Variants in MGRN1 observed in about 807,000 individuals in gnomAD.
The protein encoded by MGRN1 is E3 ubiquitin-protein ligase MGRN1.
MGRN1 carries 29 observed loss-of-function variants against 69.2 expected under a neutral mutation model. That is an observed-to-expected ratio of 0.42 (90% CI 0.31 to 0.57). MGRN1 has a LOEUF of 0.57. Among genes scored for constraint, MGRN1 ranks in the 20% least tolerant of loss-of-function variants. The probability of loss-of-function intolerance (pLI) is 0.15; values close to 1 mark genes in which losing one functional copy is unlikely to be tolerated. For missense variants in MGRN1, 998 were observed against 796.2 expected (o/e 1.25, Z -3.05); for synonymous variants, 470 against 344.2 (o/e 1.37, Z -4.04).
At chr16:4,680,168 A>C in intron 12 of MGRN1, 71 bp downstream of exon 12, 5 of 1,467,970 alleles carry the variant, frequency 3.4e-6, no homozygotes, top group Non-Finnish European at 4.7e-6. Context: ...CAAGTAGGGG[A>C]GATCGTTTCC....
At position 4,677,564 on chromosome 16, in the gene MGRN1, G is replaced by A. The variant is rs1326079214; in HGVS notation, c.1057G>A (p.Glu353Lys). The change falls in exon 11 of 17, where the codon GAG (glutamate) becomes AAG (lysine). Residue 353 changes from glutamate to lysine, a missense_variant. By Grantham distance (56) the Glu-to-Lys change is moderately conservative. Coordinates refer to ENST00000262370, the MANE Select transcript of MGRN1 (RefSeq NM_015246.4). Reference sequence around the variant, plus strand: ...CCTGGCCCAGAGCCTGGAGCATGATGAGCACTCTGTAAGTGCCGCCTCCTG... The same window carrying A: ...CCTGGCCCAGAGCCTGGAGCATGATAAGCACTCTGTAAGTGCCGCCTCCTG... ...PVLAQSLEHD[E>K]HSCPFKKSKP... The A allele has an allele frequency of 6.3e-7, 1 of 1,599,712 alleles. No individual in the cohort carries two copies. The highest frequency in any genetic ancestry group is 8.5e-7 in the Non-Finnish European group (1 of 1,179,676).
At chr16:4,669,531 T>A (rs554661459) in intron 8 of MGRN1, among the ~76,000 whole-genome samples, 1 of 152,048 alleles carries the variant, frequency 6.6e-6, no homozygotes, top group Non-Finnish European at 1.5e-5. Context: ...CATATATGTT[T>A]TGCGTGCCCG....
At chr16:4,645,079 A>G (rs1327902326) in intron 1 of MGRN1, among the ~76,000 whole-genome samples, 3 of 137,958 alleles carry the variant, frequency 2.2e-5, no homozygotes, top group Non-Finnish European at 4.5e-5. Context: ...AGTTTGTAGC[A>G]TTTGTTTCTC....
chr16:4,677,429 C>A (rs748762325), intron 10 of MGRN1, 34 bp from the exon 11 acceptor site: 1 of 1,500,028 alleles, frequency 6.7e-7, no homozygotes, highest in South Asian at 1.3e-5. Context: ...GGGTGTGTCG[C>A]CTGGGCCTGA....
chr16:4,657,737 C>CCTT (rs1567201493), intron 5 of MGRN1, among the ~76,000 whole-genome samples: 2 of 128,166 alleles, frequency 1.6e-5, no homozygotes, highest in African/African-American at 3.0e-5. Context: ...GTGCAGACAT[C>CCTT]CTTTTTTTTT....
intron 7 of MGRN1, among the ~76,000 whole-genome samples, chr16:4,667,223 G>A (rs906443857): frequency 1.2e-4 from 18 of 152,238 alleles, no homozygotes; most frequent in African/African-American, 1.9e-4. Flanking sequence ...AGCTCTAAGT[G>A]CAGAGTCCAG....
At chr16:4,665,202 G>T (rs772557338) in intron 7 of MGRN1, 51 bp downstream of exon 7, 47 of 1,605,820 alleles carry the variant, frequency 2.9e-5, no homozygotes, top group Non-Finnish European at 3.7e-5. Flanking sequence ...GCTGGGCAGG[G>T]GGTGGCCTTT....
intron 4 of MGRN1, 78 bp downstream of exon 4, chr16:4,652,902 AC>A: frequency 6.9e-7 from 1 of 1,449,050 alleles, no homozygotes; most frequent in South Asian, 1.4e-5. Flanking sequence ...CACCTTACTA[AC>A]CAGAGGGAGA....
chr16:4,686,173 C>T, intron 16 of MGRN1: 1 of 1,487,736 alleles, frequency 6.7e-7, no homozygotes. Flanking sequence ...GACCGTGTCC[C>T]CAAGCTGGTG....
At chr16:4,664,675 G>A (rs769752328) in intron 5 of MGRN1, 34 bp from the exon 6 acceptor site, 1 of 1,612,332 alleles carries the variant, frequency 6.2e-7, no homozygotes, top group East Asian at 2.2e-5. Flanking sequence ...TTGGCTGTGT[G>A]GGTCCTGACC....
At chr16:4,637,118 CAAAAAAA>C (rs36033548) in intron 1 of MGRN1, among the ~76,000 whole-genome samples, 15 of 48,502 alleles carry the variant, frequency 3.1e-4, no homozygotes, top group Admixed American at 9.4e-4. Context: ...GACTCCATCT[CAAAAAAA>C]AAAAAAAAAA....
In MGRN1 at chr16:4,652,002, A is replaced by G; in HGVS notation, c.247A>G (p.Thr83Ala). The change falls in exon 3 of 17, where the codon ACG becomes GCG. Residue 83 changes from threonine to alanine, a missense_variant. By Grantham distance (58) the Thr-to-Ala change is moderately conservative. Transcript: ENST00000262370. ...VTPAPHEPVKTLRSLVNIRKD... is the reference protein window; with the variant it reads ...VTPAPHEPVKALRSLVNIRKD... The stretch of plus-strand genomic sequence containing the variant: ...TCCTGCCCCCCACGAGCCCGTGAAG[A>G]CGCTGCGGAGCCTGGTGAACATCCG... 1.2e-6 allele frequency: 2 copies of G among 1,613,968 alleles called. No homozygotes were observed. Among genetic ancestry groups the G allele is most frequent in the East Asian group, 4.5e-5 (2 of 44,856 alleles).
chr16:4,664,887 G>T, intron 6 of MGRN1, 112 bp downstream of exon 6: 1 of 1,428,980 alleles, frequency 7.0e-7, no homozygotes, highest in South Asian at 1.2e-5. Flanking sequence ...ATAGGGCCTT[G>T]GGCTTCCCAC....
chr16:4,652,311 C>T (rs1056494584), intron 3 of MGRN1, among the ~76,000 whole-genome samples: 1 of 152,102 alleles, frequency 6.6e-6, no homozygotes, highest in African/African-American at 2.4e-5. Context: ...TGCTTGGCAT[C>T]TCAGGTGGGT....
intron 4 of MGRN1, among the ~76,000 whole-genome samples, chr16:4,653,726 G>C (rs1195837740): frequency 6.6e-6 from 1 of 151,722 alleles, no homozygotes; most frequent in Non-Finnish European, 1.5e-5. Context: ...TTGACCTCAT[G>C]ATCTGTCCAT....
chr16:4,656,053 G>T (rs773513068), intron 4 of MGRN1, among the ~76,000 whole-genome samples: 2 of 152,216 alleles, frequency 1.3e-5, no homozygotes, highest in Non-Finnish European at 2.9e-5. Context: ...TCCCATTTCT[G>T]AGCTTGGTGT....
intron 9 of MGRN1, among the ~76,000 whole-genome samples, chr16:4,671,983 G>A (rs373923496): frequency 5.9e-5 from 9 of 152,182 alleles, no homozygotes; most frequent in African/African-American, 2.2e-4. Context: ...TTGGCTCACT[G>A]TGGCCTCCGC....
intron 5 of MGRN1, among the ~76,000 whole-genome samples, chr16:4,657,733 A>G (rs1407213998): frequency 7.2e-6 from 1 of 139,196 alleles, no homozygotes; most frequent in Non-Finnish European, 1.6e-5. Context: ...CTTGGTGCAG[A>G]CATCCTTTTT....
chr16:4,674,232 C>T (rs2079004131), intron 10 of MGRN1, among the ~76,000 whole-genome samples: 1 of 152,070 alleles, frequency 6.6e-6, no homozygotes, highest in Non-Finnish European at 1.5e-5. Context: ...AATCTGCCTG[C>T]CTCAGCCTCT....
Sources: allele counts gnomAD v4.1 joint callset (sites outside exome capture counted in the v4.1 genomes callset), GRCh38; gene constraint gnomAD v4.1.1; transcripts MANE v1.5; gene names NCBI Gene and HGNC (gene_info 2026-07-23, HGNC 2026-07-21).